The following KIF14 variants were observed in gnomAD, a reference collection of about 807,000 sequenced individuals.
KIF14 encodes the protein kinesin-like protein KIF14.
In KIF14, 98 loss-of-function variants were observed where a neutral mutation model predicts 176.2. The ratio of observed to expected loss-of-function variants is 0.56; its 90% CI spans 0.47 to 0.66. The LOEUF (loss-of-function observed/expected upper bound fraction) is 0.66, where lower values mean the gene tolerates loss of function less well. Among genes scored for constraint, KIF14 ranks in the 30% least tolerant of loss-of-function variants. The pLI is 0.00. For synonymous variants in KIF14, 566 were observed against 632.2 expected (o/e 0.90, Z 1.57); for missense variants, 1,751 against 1,920.4 (o/e 0.91, Z 1.65).
At position 200,618,093 on chromosome 1, in the gene KIF14, C is replaced by T. The variant is rs1262747511; in HGVS notation, c.631G>A (p.Ala211Thr). The T allele has an allele frequency of 6.2e-7, 1 of 1,614,112 alleles. No homozygotes were observed. Among genetic ancestry groups the T allele is most frequent in the South Asian group, 1.1e-5 (1 of 91,078 alleles). Residue 211 changes from alanine to threonine, a missense_variant, in exon 2 of 30, where the codon GCA (alanine) becomes ACA (threonine). By Grantham distance (58) the Ala-to-Thr change is moderately conservative (BLOSUM62 0). Transcript: ENST00000367350. ...GGTCTATTACTTGAGTACTTAAGTG[C>T]AACATTTTCATTTGCTCTACTGGGG... ...SAPSRANENV[A>T]LKYSSNRPPI...
intron 4 of KIF14, among the ~76,000 whole-genome samples, chr1:200,613,210 T>G (rs1660245537): frequency 6.6e-6 from 1 of 152,092 alleles, no homozygotes. Flanking sequence ...TCTTATCACT[T>G]TCCACCCTCA....
chr1:200,605,360 C>T lies in KIF14; in HGVS notation c.1669G>A (p.Ala557Thr), dbSNP rs371145728. Residue 557 changes from alanine (A) to threonine (T), a missense_variant, in exon 8 of 30, where the codon GCT (alanine) becomes ACT (threonine). Physicochemically the swap from Ala to Thr is moderately conservative, Grantham distance 58 (BLOSUM62 0). Coordinates refer to ENST00000367350, the MANE Select transcript of KIF14 (RefSeq NM_014875.3). ...TCATTCATACCAGTAGCAGCAGTAG[C>T]TCTTTGTTTATTTCCCAATTCTAGC... ...SWLELGNKQRATAATGMNDKS... is the reference protein window; with the variant it reads ...SWLELGNKQRTTAATGMNDKS... 4 of 1,613,360 alleles carry T rather than the reference C, an allele frequency of 2.5e-6. No homozygotes were observed. The highest frequency in any genetic ancestry group is 2.2e-5 in the South Asian group (2 of 91,014).
chr1:200,601,948 T>A lies in KIF14; in HGVS notation c.2100A>T (p.Leu700Phe). The change falls in exon 11 of 30, where the codon TTA (leucine) becomes TTT (phenylalanine). Residue 700 changes from leucine (L) to phenylalanine (F), a missense_variant. By Grantham distance (22) the Leu-to-Phe change is conservative (BLOSUM62 0). Transcript: ENST00000367350. ...STLRYANQAR[L>F]IVNIAKVNED... ...CATTTACTTTAGCAATGTTGACTATTAAACGGGCTTGGTTAGCATATCTAA... is the reference window on the plus strand; with the variant it reads ...CATTTACTTTAGCAATGTTGACTATAAAACGGGCTTGGTTAGCATATCTAA... 3 of 1,613,704 alleles carry A rather than the reference T, an allele frequency of 1.9e-6. No homozygotes were observed. The highest frequency in any genetic ancestry group is 1.7e-6 in the Non-Finnish European group (2 of 1,179,728).
At position 200,555,421 on chromosome 1, in the gene KIF14, A is replaced by G; in HGVS notation, c.4387T>C (p.Leu1463=). ...AAGATGTTTTCAAGAGATCTAATCA[A>G]TCCCATGGCATTAGTTTTCATTTCT... The part of the protein sequence containing the change: ...TKEMKTNAMG[L]IRSLENIFAE... The change falls in exon 28 of 30, where the codon TTG becomes CTG. Residue 1463 remains leucine, a synonymous_variant. Coordinates refer to ENST00000367350, the MANE Select transcript of KIF14 (RefSeq NM_014875.3). 6.3e-7 allele frequency: 1 copy of G among 1,578,578 alleles called. No individual in the cohort carries two copies.
intron 14 of KIF14, among the ~76,000 whole-genome samples, chr1:200,594,509 C>G (rs575710179): frequency 6.6e-6 from 1 of 150,698 alleles, no homozygotes; most frequent in African/African-American, 2.4e-5. Flanking sequence ...ACAGAAAGAA[C>G]AAATATTTCT....
At chr1:200,608,645 G>A (rs183940635) in intron 5 of KIF14, among the ~76,000 whole-genome samples, 185 bp downstream of exon 5, 132 of 152,264 alleles carry the variant, frequency 8.7e-4, no homozygotes, top group East Asian at 7.7e-3. Flanking sequence ...TTACAGGAGT[G>A]AGCCACCATG....
Position 200,553,287 on chromosome 1 carries a change from T to A in KIF14, c.*101A>T. 8.2e-7 allele frequency: 1 copy of A among 1,221,626 alleles called. No homozygotes were observed. Among genetic ancestry groups the A allele is most frequent in the Non-Finnish European group, 1.1e-6 (1 of 885,936 alleles). The allele number at this position is 1,221,626 out of a possible 1,614,324, so 75.7% of individuals were successfully genotyped here. ...AAAAGACATGGACTTTTTTGAAATA[T>A]CTGTGCTGATTTCTCTTAAACTCTC... On this transcript the variant is annotated 3_prime_UTR_variant, in exon 30 of 30. Coordinates refer to ENST00000367350, the MANE Select transcript of KIF14 (RefSeq NM_014875.3).
At chr1:200,560,281 G>GTTT (rs11405600) in intron 26 of KIF14, among the ~76,000 whole-genome samples, 2 of 151,490 alleles carry the variant, frequency 1.3e-5, no homozygotes, top group African/African-American at 4.9e-5. Context: ...GTTTTGTTGG[G>GTTT]TTTTTTTTGA....
At chr1:200,572,353 T>G (rs193291674) in intron 22 of KIF14, among the ~76,000 whole-genome samples, 4 of 152,038 alleles carry the variant, frequency 2.6e-5, no homozygotes, top group Admixed American at 2.6e-4. Context: ...CTAAAAGTCT[T>G]TTTTTTTAAG....
intron 23 of KIF14, among the ~76,000 whole-genome samples, chr1:200,569,028 C>T (rs537556832): frequency 3.1e-4 from 47 of 150,226 alleles, no homozygotes; most frequent in South Asian, 4.2e-4. Flanking sequence ...CAGGTTCAAG[C>T]GATTCTCCCG....
chr1:200,605,169 G>A (rs1378780550), intron 8 of KIF14, 114 bp downstream of exon 8: 1 of 989,594 alleles, frequency 1.0e-6, no homozygotes. Context: ...CTTGGTCTGG[G>A]TGATCACCAG....
intron 19 of KIF14, among the ~76,000 whole-genome samples, chr1:200,583,424 T>G (rs1658567736): frequency 6.6e-6 from 1 of 152,142 alleles, no homozygotes; most frequent in African/African-American, 2.4e-5. Context: ...ATATGGTGTC[T>G]GGGATTTGCT....
intron 1 of KIF14, among the ~76,000 whole-genome samples, chr1:200,619,524 T>A (rs565499016): frequency 0.01 from 1,545 of 152,230 alleles, 15 homozygotes; most frequent in South Asian, 0.022. Context: ...AGCTAATTTT[T>A]GTATTTTTAG....
chr1:200,567,825 G>A (rs1004001608), intron 23 of KIF14, among the ~76,000 whole-genome samples: 5 of 150,818 alleles, frequency 3.3e-5, no homozygotes, highest in Non-Finnish European at 2.9e-5. Context: ...CTAGAACAAA[G>A]GTAAGAGTTT....
chr1:200,614,456 A>C, intron 3 of KIF14, 51 bp from the exon 4 acceptor site: 1 of 1,183,132 alleles, frequency 8.5e-7, no homozygotes, highest in Non-Finnish European at 1.2e-6. Context: ...TCTTTCTTTA[A>C]AATTCTTTTT....
Position 200,618,360 on chromosome 1 carries a change from G to T in KIF14, c.364C>A (p.Gln122Lys). The change falls in exon 2 of 30, where the codon CAA becomes AAA. Residue 122 changes from glutamine to lysine, a missense_variant. Physicochemically the swap from Gln to Lys is moderately conservative, Grantham distance 53. Transcript: ENST00000367350. ...GCAGAATCTGTTTTAGCACGACGTT[G>T]TAATGTAAGACGTGTTTCTGCTGTT... ...EKTAETRLTLQRRAKTDSAEK... is the reference protein window; with the variant it reads ...EKTAETRLTLKRRAKTDSAEK... The T allele has an allele frequency of 6.2e-7, 1 of 1,614,120 alleles. No homozygotes were observed. Among genetic ancestry groups the T allele is most frequent in the Non-Finnish European group, 8.5e-7 (1 of 1,180,026 alleles).
chr1:200,575,544 CAT>C (rs370367655), intron 22 of KIF14, 45 bp downstream of exon 22: 26,449 of 974,838 alleles, frequency 0.027, 373 homozygotes, highest in Middle Eastern at 0.056. Context: ...CACACACACA[CAT>C]GCACACACAA....
chr1:200,606,794 C>T lies in KIF14; in HGVS notation c.1559G>A (p.Arg520Lys), dbSNP rs747649120. The T allele has an allele frequency of 6.8e-5, 109 of 1,612,652 alleles. 2 individuals carry two copies. The South Asian group carries it at 1.2e-3, about 18-fold the overall frequency. ...DENGQRKQPL[R>K]VREHPVYGPY... ...TCCATAAACAGGATGTTCCCTCACT[C>T]TCAGCTAGAAGAAGCAAATACATGC... is the stretch of plus-strand genomic sequence containing the variant. The change falls in exon 6 of 30, where the codon AGA becomes AAA. Residue 520 changes from arginine (R) to lysine (K), a missense_variant. Arg to Lys is a conservative substitution (Grantham distance 26, BLOSUM62 2). Coordinates refer to ENST00000367350, the MANE Select transcript of KIF14 (RefSeq NM_014875.3).
intron 13 of KIF14, 84 bp downstream of exon 13, chr1:200,599,966 T>G: frequency 3.9e-6 from 3 of 775,622 alleles, no homozygotes; most frequent in Non-Finnish European, 6.4e-6. Flanking sequence ...AACATTAAAT[T>G]TACATGCATT....
Sources: gnomAD v4.1 joint callset for allele counts (sites outside exome capture counted in the v4.1 genomes callset) on GRCh38, gnomAD v4.1.1 for gene constraint, MANE v1.5 for transcripts, NCBI Gene and HGNC (gene_info 2026-07-23, HGNC 2026-07-21) for gene names.